DLD: variants seen among roughly 807,000 people sequenced by gnomAD.
DLD encodes the protein dihydrolipoyl dehydrogenase, mitochondrial.
A neutral mutation model predicts 62.2 loss-of-function variants in DLD; 36 were observed. The ratio of observed to expected loss-of-function variants is 0.58; its 90% confidence interval spans 0.44 to 0.76. The LOEUF is 0.76. Among genes scored for constraint, DLD ranks in the 30% least tolerant of loss-of-function variants. DLD has a pLI of 0.00. For synonymous variants in DLD, 204 were observed against 199.6 expected (o/e 1.02, Z -0.19); for missense variants, 541 against 608.6 (o/e 0.89, Z 1.17).
At position 107,920,086 on chromosome 7, in the gene DLD, A is replaced by C. The variant is rs772687688; in HGVS notation, c.*827A>C. 3 of 152,294 alleles carry C rather than the reference A, an allele frequency of 2.0e-5. No homozygotes were observed. The highest frequency in any genetic ancestry group is 4.4e-5 in the Non-Finnish European group (3 of 68,028). The allele number at this position is 152,294 out of a possible 1,614,324, so 9.4% of individuals were successfully genotyped here. Reference sequence around the variant, plus strand: ...ATCTTTATTTTCATGTTATAGGACAATATTAAGGCATTTTAAAGGTCATCA... The same window carrying C: ...ATCTTTATTTTCATGTTATAGGACACTATTAAGGCATTTTAAAGGTCATCA... On this transcript the variant is annotated 3_prime_UTR_variant, in exon 14 of 14. Coordinates refer to ENST00000205402, the MANE Select transcript of DLD (RefSeq NM_000108.5).
intron 3 of DLD, among the ~76,000 whole-genome samples, chr7:107,902,055 C>T (rs1241113325): frequency 6.6e-6 from 1 of 152,162 alleles, no homozygotes; most frequent in Non-Finnish European, 1.5e-5. Flanking sequence ...CATCTAATCA[C>T]ACTTTGGAAG....
intron 2 of DLD, among the ~76,000 whole-genome samples, chr7:107,901,200 A>C (rs961294288): frequency 3.9e-5 from 6 of 152,142 alleles, no homozygotes; most frequent in African/African-American, 1.4e-4. Context: ...ATAGGTCTTA[A>C]ATTTATTGGA....
At chr7:107,914,350 T>C (rs1419821810) in intron 8 of DLD, among the ~76,000 whole-genome samples, 1 of 152,178 alleles carries the variant, frequency 6.6e-6, no homozygotes, top group Admixed American at 6.5e-5. Flanking sequence ...GTGTTCTCAA[T>C]GTTATCTAAG....
At chr7:107,907,443 G>A (rs1015144794) in intron 8 of DLD, among the ~76,000 whole-genome samples, 1 of 152,096 alleles carries the variant, frequency 6.6e-6, no homozygotes, top group Non-Finnish European at 1.5e-5. Context: ...TGCTCTGCCT[G>A]TGGATGACCT....
At chr7:107,915,472 T>A in intron 8 of DLD, 34 bp from the exon 9 acceptor site, 1 of 1,608,004 alleles carries the variant, frequency 6.2e-7, no homozygotes, top group Non-Finnish European at 8.5e-7. Context: ...ATAGAAACTT[T>A]TATGATTATT....
intron 5 of DLD, 124 bp from the exon 6 acceptor site, chr7:107,904,834 T>A (rs775750160): frequency 1.2e-5 from 9 of 723,290 alleles, no homozygotes; most frequent in Non-Finnish European, 2.0e-5. Flanking sequence ...GTTATTACAT[T>A]TTGAAACTTT....
intron 8 of DLD, among the ~76,000 whole-genome samples, chr7:107,908,153 CTTT>C (rs71134291): frequency 4.4e-5 from 6 of 137,302 alleles, no homozygotes; most frequent in African/African-American, 5.3e-5. Flanking sequence ...TTTTGTTTTT[CTTT>C]TTTTTTTTTT....
At position 107,917,837 on chromosome 7, in the gene DLD, A is replaced by G. The variant is rs568908075; in HGVS notation, c.1237-87A>G. On this transcript the variant is annotated intron_variant, in intron 11 of 13. Transcript: ENST00000205402. ...GCGAACAATTCCCTTCTTGGGATTT[A>G]TTTTCTGAACAAATGGTAGATGATT... is the stretch of plus-strand genomic sequence containing the variant. 6.4e-6 allele frequency: 10 copies of G among 1,558,110 alleles called. No individual in the cohort carries two copies. The East Asian group carries it at 1.8e-4, about 28-fold the overall frequency.
chr7:107,910,178 C>G (rs1046575440), intron 8 of DLD, among the ~76,000 whole-genome samples: 3 of 152,116 alleles, frequency 2.0e-5, no homozygotes, highest in African/African-American at 7.2e-5. Context: ...TTAAAAATGA[C>G]CAGTTGTTCT....
intron 1 of DLD, chr7:107,891,648 T>C (rs533648704): frequency 2.4e-6 from 1 of 420,234 alleles, no homozygotes; most frequent in South Asian, 2.3e-5. Flanking sequence ...TCTGGCTTTT[T>C]ATACCATTTG....
intron 3 of DLD, 102 bp from the exon 4 acceptor site, chr7:107,902,223 G>A (rs1447278369): frequency 9.7e-6 from 10 of 1,030,758 alleles, no homozygotes; most frequent in African/African-American, 4.8e-5. Flanking sequence ...AACATAGCCC[G>A]AATAGCTTGT....
At chr7:107,891,133 T>G, upstream of DLD, 1 of 1,341,706 alleles carries the variant, frequency 7.5e-7, no homozygotes, top group Non-Finnish European at 1.1e-6. Context: ...ATCGCGCTGC[T>G]CCCGGGTGAT....
chr7:107,905,671 A>C lies in DLD; in HGVS notation c.582+167A>C, dbSNP rs937293508. On this transcript the variant is annotated intron_variant, in intron 7 of 13. Coordinates refer to ENST00000205402, the MANE Select transcript of DLD (RefSeq NM_000108.5). ...CTGTCTTTATTCTGCAGTGATTCTGACCAGCTATAGAACACTTTATATTAA... is the reference window on the plus strand; with the variant it reads ...CTGTCTTTATTCTGCAGTGATTCTGCCCAGCTATAGAACACTTTATATTAA... 4.2e-6 allele frequency: 3 copies of C among 709,638 alleles called. No individual in the cohort carries two copies. The African/African-American group carries it at 5.3e-5, about 13-fold the overall frequency. The allele number at this position is 709,638 out of a possible 1,614,324, so 44.0% of individuals were successfully genotyped here. A position where few individuals can be genotyped will look rare whatever the true frequency, so the allele number is the denominator to read the frequency against.
At chr7:107,898,297 G>A (rs2031783367) in intron 2 of DLD, among the ~76,000 whole-genome samples, 1 of 83,434 alleles carries the variant, frequency 1.2e-5, no homozygotes, top group African/African-American at 5.2e-5. Context: ...TTTTTTTTGA[G>A]ACAGAGTTTA....
In DLD at chr7:107,901,811, C is replaced by G. The variant is rs1222766486; in HGVS notation, c.192C>G (p.Gly64=). 1 of 1,612,902 alleles carries G rather than the reference C, an allele frequency of 6.2e-7. No homozygotes were observed. Among genetic ancestry groups the G allele is most frequent in the Non-Finnish European group, 8.5e-7 (1 of 1,178,994 alleles). Reference sequence around the variant, plus strand: ...CTGCTATTAAAGCTGCCCAGTTAGGCTTCAAGGTAAGGTTTGAACTCAAAC... The same window carrying G: ...CTGCTATTAAAGCTGCCCAGTTAGGGTTCAAGGTAAGGTTTGAACTCAAAC... ...YVAAIKAAQL[G]FKTVCIEKNE... Residue 64 remains glycine, a synonymous_variant, in exon 3 of 14, where the codon GGC becomes GGG. Coordinates refer to ENST00000205402, the MANE Select transcript of DLD (RefSeq NM_000108.5).
rs938047456 is a variant in DLD at position 107,917,067 on chromosome 7, G to A, written c.1046+103G>A. On this transcript the variant is annotated intron_variant, in intron 10 of 13. Coordinates refer to ENST00000205402, the MANE Select transcript of DLD (RefSeq NM_000108.5). ...TGCTTAAAATATGTATTGGCTTTGGGGAAGAATAGTAAACTTACAAAATGT... is the reference window on the plus strand; with the variant it reads ...TGCTTAAAATATGTATTGGCTTTGGAGAAGAATAGTAAACTTACAAAATGT... 7.9e-6 allele frequency: 10 copies of A among 1,273,478 alleles called. No homozygotes were observed. The African/African-American group carries it at 1.2e-4, about 15-fold the overall frequency. 78.9% of individuals were successfully genotyped at this position (1,273,478 alleles called of 1,614,324 possible).
At chr7:107,899,845 A>C (rs1302292661) in intron 2 of DLD, among the ~76,000 whole-genome samples, 3 of 152,022 alleles carry the variant, frequency 2.0e-5, no homozygotes, top group African/African-American at 7.2e-5. Context: ...AGTAAACCTA[A>C]ATTTTTAATC....
In DLD at chr7:107,917,463, G is replaced by C; in HGVS notation, c.1236+1G>C. On this transcript the variant is annotated splice_donor_variant, in intron 11 of 13. Transcript: ENST00000205402. LOFTEE classifies it high-confidence loss of function. ...ATCAGAAGAGCAGTTGAAAGAAGAG[G>C]TAAGTCTGAACATGGGTGGTTTTAA... The C allele has an allele frequency of 6.2e-7, 1 of 1,614,126 alleles. No homozygotes were observed. Among genetic ancestry groups the C allele is most frequent in the Non-Finnish European group, 8.5e-7 (1 of 1,179,986 alleles).
Position 107,891,280 on chromosome 7 carries a change from C to A in DLD, c.30C>A (p.Ser10=), listed in dbSNP as rs779166996. The change falls in exon 1 of 14, where the codon TCC becomes TCA. Residue 10 remains serine, a synonymous_variant. Coordinates refer to ENST00000205402, the MANE Select transcript of DLD (RefSeq NM_000108.5). MQSWSRVYC[S]LAKRGHFNRI... is the part of the protein sequence containing the mutation. ...AGAGCTGGAGTCGTGTGTACTGCTCCTTGGCCAAGGTGAGGGCCGAGTAGG... is the reference window on the plus strand; with the variant it reads ...AGAGCTGGAGTCGTGTGTACTGCTCATTGGCCAAGGTGAGGGCCGAGTAGG... 8.7e-6 allele frequency: 14 copies of A among 1,614,142 alleles called. No homozygotes were observed. In the Middle Eastern group the frequency reaches 2.0e-3, roughly 228 times the overall value.
Sources: allele counts gnomAD v4.1 joint callset (sites outside exome capture counted in the v4.1 genomes callset), GRCh38; gene constraint gnomAD v4.1.1; transcripts MANE v1.5; gene names NCBI Gene and HGNC (gene_info 2026-07-23, HGNC 2026-07-21).